HMG20A: variants seen among roughly 807,000 people sequenced by gnomAD.
HMG20A encodes high mobility group protein 20A.
A neutral mutation model predicts 43.9 loss-of-function variants in HMG20A; 17 were observed. The ratio of observed to expected loss-of-function variants is 0.39; its 90% CI spans 0.27 to 0.58. The LOEUF (loss-of-function observed/expected upper bound fraction) is 0.58, where lower values mean the gene tolerates loss of function less well. Among genes scored for constraint, HMG20A ranks in the 20% least tolerant of loss-of-function variants. The pLI, the probability that HMG20A is intolerant of heterozygous loss-of-function variation, is 0.59. For synonymous variants in HMG20A, 132 were observed against 147.5 expected (o/e 0.89, Z 0.76); for missense variants, 341 against 438.2 (o/e 0.78, Z 1.98).
chr15:77,464,133 A>G, intron 2 of HMG20A, 107 bp from the exon 3 acceptor site: 1 of 1,172,852 alleles, frequency 8.5e-7, no homozygotes, highest in Non-Finnish European at 1.2e-6. Context: ...TTATTGGGGG[A>G]ATTAATTCAA....
chr15:77,443,351 T>TGA (rs2073634085), intron 1 of HMG20A, among the ~76,000 whole-genome samples: 4 of 129,618 alleles, frequency 3.1e-5, no homozygotes, highest in Non-Finnish European at 5.0e-5. Flanking sequence ...TATCTATTTT[T>TGA]TATGATGATG....
intron 1 of HMG20A, among the ~76,000 whole-genome samples, chr15:77,443,313 G>A (rs1053717905): frequency 2.0e-5 from 3 of 149,632 alleles, no homozygotes; most frequent in Non-Finnish European, 3.0e-5. Context: ...ACATTTTGAT[G>A]TGTTTCCTTC....
chr15:77,449,750 A>G (rs2073714908), intron 1 of HMG20A, among the ~76,000 whole-genome samples: 1 of 152,104 alleles, frequency 6.6e-6, no homozygotes, highest in Non-Finnish European at 1.5e-5. Context: ...CTCCCCAACT[A>G]TCAATATCCC....
intron 3 of HMG20A, among the ~76,000 whole-genome samples, chr15:77,465,098 A>G (rs910464515): frequency 9.2e-5 from 14 of 151,672 alleles, no homozygotes; most frequent in Admixed American, 7.9e-4. Context: ...CGTCTCTACT[A>G]AAAAATACAA....
chr15:77,477,368 C>T (rs977063301), intron 6 of HMG20A, among the ~76,000 whole-genome samples, 187 bp from the exon 7 acceptor site: 1 of 152,202 alleles, frequency 6.6e-6, no homozygotes, highest in Admixed American at 6.5e-5. Flanking sequence ...GAATACTTTA[C>T]CTGCTTAAGC....
intron 1 of HMG20A, among the ~76,000 whole-genome samples, chr15:77,438,216 C>T (rs1180800301): frequency 2.7e-5 from 4 of 146,164 alleles, no homozygotes; most frequent in African/African-American, 1.0e-4. Flanking sequence ...TGGGCTCAAG[C>T]GATCCTCCCA....
the HMG20A span, among the ~76,000 whole-genome samples, chr15:77,519,974 G>T: frequency 6.6e-6 from 1 of 152,190 alleles, no homozygotes; most frequent in Non-Finnish European, 1.5e-5. Flanking sequence ...GCCAAGGCGG[G>T]TGGATCACAG....
At chr15:77,457,418 T>C (rs1369103760) in intron 1 of HMG20A, among the ~76,000 whole-genome samples, 2 of 152,232 alleles carry the variant, frequency 1.3e-5, no homozygotes, top group African/African-American at 2.4e-5. Flanking sequence ...TTGAGTGCTT[T>C]GCAGTTCTGT....
chr15:77,487,822 A>G (rs1348092438), downstream of HMG20A, among the ~76,000 whole-genome samples: 1 of 152,210 alleles, frequency 6.6e-6, no homozygotes, highest in Non-Finnish European at 1.5e-5. Context: ...TTTGATATAT[A>G]GCCTGCACTC....
chr15:77,441,441 T>G (rs1033213131), intron 1 of HMG20A, among the ~76,000 whole-genome samples: 1 of 152,186 alleles, frequency 6.6e-6, no homozygotes, highest in Non-Finnish European at 1.5e-5. Flanking sequence ...TTCATATAAT[T>G]AAATATACTG....
intron 3 of HMG20A, 198 bp downstream of exon 3, chr15:77,464,585 T>G: frequency 2.3e-6 from 1 of 443,936 alleles, no homozygotes; most frequent in Non-Finnish European, 4.2e-6. Flanking sequence ...AGACTCTTTT[T>G]TCCCTGTTCC....
intron 1 of HMG20A, among the ~76,000 whole-genome samples, chr15:77,428,887 G>T (rs2073454268): frequency 6.6e-6 from 1 of 151,302 alleles, no homozygotes; most frequent in Non-Finnish European, 1.5e-5. Context: ...GATCGCATAA[G>T]CCCAGGAGTT....
At chr15:77,429,957 A>G (rs2073467338) in intron 1 of HMG20A, among the ~76,000 whole-genome samples, 1 of 152,228 alleles carries the variant, frequency 6.6e-6, no homozygotes, top group South Asian at 2.1e-4. Context: ...TGTGTCAGGA[A>G]CAATACTCAA....
Position 77,468,913 on chromosome 15 carries a change from A to G in HMG20A, c.450+1606A>G, listed in dbSNP as rs78463259. 2.9e-3 allele frequency among the ~76,000 whole-genome samples: 443 copies of G among 152,290 alleles called. 5 individuals carry two copies. Among genetic ancestry groups the G allele is most frequent in the African/African-American group, 0.01 (431 of 41,558 alleles). ...TTTAGTAGTCAAGTTTCTTTAGCTT[A>G]AACTGGGATATTTCCATAATCTTTC... On this transcript the variant is annotated intron_variant, in intron 4 of 9. Transcript: ENST00000336216.
At chr15:77,421,262 G>A (rs573219995) in intron 1 of HMG20A, among the ~76,000 whole-genome samples, 252 of 152,314 alleles carry the variant, frequency 1.7e-3, no homozygotes, top group African/African-American at 5.8e-3. Flanking sequence ...TTGAAAAGGT[G>A]GTGCTTGGTG....
intron 6 of HMG20A, among the ~76,000 whole-genome samples, chr15:77,475,702 T>C (rs1382521713): frequency 6.6e-6 from 1 of 152,198 alleles, no homozygotes; most frequent in Non-Finnish European, 1.5e-5. Flanking sequence ...GTTGGGATTG[T>C]GTGTCATTAA....
intron 1 of HMG20A, among the ~76,000 whole-genome samples, chr15:77,428,085 C>G (rs563406271): frequency 6.6e-6 from 1 of 152,172 alleles, no homozygotes; most frequent in South Asian, 2.1e-4. Flanking sequence ...CACTGACTTA[C>G]CTGTGTTCAT....
At chr15:77,505,548 T>A in the HMG20A span, among the ~76,000 whole-genome samples, 3 of 152,196 alleles carry the variant, frequency 2.0e-5, no homozygotes, top group African/African-American at 7.2e-5. Flanking sequence ...CAGGACACAC[T>A]GGCTTCTGCA....
At chr15:77,495,491 G>A in the HMG20A span, among the ~76,000 whole-genome samples, 1 of 152,226 alleles carries the variant, frequency 6.6e-6, no homozygotes, top group Non-Finnish European at 1.5e-5. Flanking sequence ...AGAGGTTGTA[G>A]TGAGCTGAGA....
Sources: gnomAD v4.1 joint callset for allele counts (sites outside exome capture counted in the v4.1 genomes callset) on GRCh38, gnomAD v4.1.1 for gene constraint, MANE v1.5 for transcripts, NCBI Gene and HGNC (gene_info 2026-07-23, HGNC 2026-07-21) for gene names.